The following EFCAB14 variants were observed in gnomAD, a reference collection of about 807,000 sequenced individuals.
The protein encoded by EFCAB14 is EF-hand calcium-binding domain-containing protein 14.
EFCAB14 carries 43 observed loss-of-function variants against 56.5 expected under a neutral mutation model. The observed-to-expected ratio is 0.76, with a 90% CI of 0.60 to 0.98. The LOEUF is 0.98. EFCAB14 is among the 50% of genes least tolerant of loss of function. The pLI is 0.00. For synonymous variants in EFCAB14, 235 were observed against 212.9 expected (o/e 1.10, Z -0.90); for missense variants, 538 against 580.3 (o/e 0.93, Z 0.75).
In EFCAB14 at chr1:46,688,451, C is replaced by T. The variant is rs553095299; in HGVS notation, c.889G>A (p.Glu297Lys). 68 of 1,613,966 alleles carry T rather than the reference C, an allele frequency of 4.2e-5. 1 individual carries two copies. The South Asian group carries it at 5.2e-4, about 12-fold the overall frequency. Residue 297 changes from glutamate (E) to lysine (K), a missense_variant, in exon 7 of 11, where the codon GAG becomes AAG. By Grantham distance (56) the Glu-to-Lys change is moderately conservative. Transcript: ENST00000371933. Reference sequence around the variant, plus strand: ...CTCTGGGTAAGATTACTGACTGTCTCGTTCATTCCCTCGAGTTTAAGATCA... The same window carrying T: ...CTCTGGGTAAGATTACTGACTGTCTTGTTCATTCCCTCGAGTTTAAGATCA... The part of the protein sequence containing the change: ...QNDLKLEGMN[E>K]TVSNLTQRVN...
rs566138843 is a variant in EFCAB14 at position 46,718,150 on chromosome 1, A to G, written c.-63T>C. 3 of 1,550,186 alleles carry G rather than the reference A, an allele frequency of 1.9e-6. No homozygotes were observed. The highest frequency in any genetic ancestry group is 1.2e-5 in the South Asian group (1 of 84,756). ...CTGCCAGGTTCGTACCCGATGCCCA[A>G]TTCTCTTCCTGCCTTGGAGCTGCCT... is the stretch of plus-strand genomic sequence containing the variant. On this transcript the variant is annotated 5_prime_UTR_variant, in exon 1 of 11. Coordinates refer to ENST00000371933, the MANE Select transcript of EFCAB14 (RefSeq NM_014774.3).
Position 46,684,546 on chromosome 1 carries a change from G to A in EFCAB14, c.1131C>T (p.Ile377=). 6.2e-7 allele frequency: 1 copy of A among 1,614,086 alleles called. No homozygotes were observed. The highest frequency in any genetic ancestry group is 8.5e-7 in the Non-Finnish European group (1 of 1,179,978). ...TCTCAGGTTTGTTTGTAAGAGCACT[G>A]ATCAGCTGGAGTTTCTCTCTTAGCT... ...VSKLREKLQL[I]SALTNKPESN... is the part of the protein sequence containing the mutation. Residue 377 remains isoleucine, a synonymous_variant, in exon 9 of 11, where the codon ATC becomes ATT. Transcript: ENST00000371933.
At chr1:46,687,605 A>G (rs1048413570) in intron 7 of EFCAB14, among the ~76,000 whole-genome samples, 9 of 152,136 alleles carry the variant, frequency 5.9e-5, no homozygotes, top group Non-Finnish European at 1.2e-4. Context: ...TTTGGTTTCT[A>G]TTTTTAAATA....
intron 10 of EFCAB14, among the ~76,000 whole-genome samples, chr1:46,680,152 G>C (rs1424928583): frequency 6.6e-6 from 1 of 152,156 alleles, no homozygotes; most frequent in South Asian, 2.1e-4. Flanking sequence ...GAAAAGTGTA[G>C]GAGTTCCTCA....
At chr1:46,689,817 G>A in intron 5 of EFCAB14, 126 bp from the exon 6 acceptor site, 1 of 804,762 alleles carries the variant, frequency 1.2e-6, no homozygotes, top group Non-Finnish European at 2.0e-6. Flanking sequence ...AGTAAGTATT[G>A]CCAGGGAATG....
chr1:46,684,580 T>C lies in EFCAB14; in HGVS notation c.1097A>G (p.Gln366Arg). Residue 366 changes from glutamine (Q) to arginine (R), a missense_variant, in exon 9 of 11, where the codon CAG becomes CGG. By Grantham distance (43) the Gln-to-Arg change is conservative (BLOSUM62 1). Transcript: ENST00000371933. ...GAGTTTCTCTCTTAGCTTGGATACC[T>C]GAGAATTTGAACTATCTTCTTTCTG... ...SIKKEDSSNS[Q>R]VSKLREKLQL... 1.2e-6 allele frequency: 2 copies of C among 1,614,082 alleles called. No individual in the cohort carries two copies. The highest frequency in any genetic ancestry group is 1.3e-5 in the African/African-American group (1 of 75,048).
chr1:46,694,882 G>T (rs756939820), intron 4 of EFCAB14, among the ~76,000 whole-genome samples: 3 of 152,134 alleles, frequency 2.0e-5, no homozygotes, highest in African/African-American at 7.2e-5. Context: ...TATACACCAT[G>T]GAATACTATG....
chr1:46,716,616 G>C (rs1036754685), intron 1 of EFCAB14, among the ~76,000 whole-genome samples, 173 bp from the exon 2 acceptor site: 3 of 152,180 alleles, frequency 2.0e-5, no homozygotes, highest in Non-Finnish European at 4.4e-5. Flanking sequence ...ACCTATTAAG[G>C]GTTCATCTAC....
intron 2 of EFCAB14, among the ~76,000 whole-genome samples, chr1:46,715,274 C>G (rs1326869510): frequency 3.3e-5 from 5 of 152,150 alleles, no homozygotes; most frequent in African/African-American, 4.8e-5. Context: ...ACAAGGCCAC[C>G]AGGAACAGTG....
At chr1:46,696,737 C>T in intron 3 of EFCAB14, 88 bp from the exon 4 acceptor site, 2 of 1,228,386 alleles carry the variant, frequency 1.6e-6, no homozygotes, top group South Asian at 2.6e-5. Flanking sequence ...TTGGTGATGT[C>T]AAGATAGTCT....
chr1:46,692,055 A>C, intron 4 of EFCAB14, 118 bp from the exon 5 acceptor site: 1 of 672,502 alleles, frequency 1.5e-6, no homozygotes, highest in Non-Finnish European at 2.4e-6. Flanking sequence ...CAATTGTGAA[A>C]CCAGTACTAC....
Position 46,676,833 on chromosome 1 carries a change from T to A in EFCAB14, c.*1628A>T, listed in dbSNP as rs1235984079. ...AATTTTAATACTTCTGGAAAAAAAA[T>A]TTAAGTTTGGTTAATACCAAGCTGA... is the stretch of plus-strand genomic sequence containing the variant. On this transcript the variant is annotated 3_prime_UTR_variant, in exon 11 of 11. Transcript: ENST00000371933. 4 of 152,360 alleles carry A rather than the reference T, an allele frequency of 2.6e-5. No homozygotes were observed. The highest frequency in any genetic ancestry group is 2.0e-4 in the Admixed American group (3 of 15,238). 9.4% of individuals were successfully genotyped at this position (152,360 alleles called of 1,614,324 possible).
chr1:46,711,532 T>C (rs1358484580), intron 2 of EFCAB14, among the ~76,000 whole-genome samples: 1 of 152,142 alleles, frequency 6.6e-6, no homozygotes, highest in East Asian at 1.9e-4. Flanking sequence ...AATGATTATC[T>C]GGTTTGGAGC....
intron 10 of EFCAB14, among the ~76,000 whole-genome samples, chr1:46,681,464 G>A (rs1003325297): frequency 1.1e-4 from 16 of 152,180 alleles, no homozygotes; most frequent in African/African-American, 3.4e-4. Flanking sequence ...TAGCTTGAAG[G>A]GAGGGAAAAC....
chr1:46,695,303 T>G (rs1677062962), intron 4 of EFCAB14, among the ~76,000 whole-genome samples: 1 of 152,198 alleles, frequency 6.6e-6, no homozygotes, highest in Non-Finnish European at 1.5e-5. Context: ...AAGCCTATCA[T>G]TTCCTGAATT....
Position 46,686,868 on chromosome 1 carries a change from C to G in EFCAB14, c.990G>C (p.Met330Ile). 1 of 1,613,540 alleles carries G rather than the reference C, an allele frequency of 6.2e-7. No homozygotes were observed. The highest frequency in any genetic ancestry group is 8.5e-7 in the Non-Finnish European group (1 of 1,179,706). Residue 330 changes from methionine (M) to isoleucine (I), a missense_variant and splice_region_variant, in exon 8 of 11, where the codon ATG (methionine) becomes ATC (isoleucine). Transcript: ENST00000371933. The stretch of plus-strand genomic sequence containing the variant: ...TTTTCAGAGTGGCAGATCTATCACC[C>G]ATCTTAAAGGGCAAAACAAAAACAA... ...EKKANLSFSM[M>I]GDRSATLKRQ...
chr1:46,703,113 C>CT (rs5773921), intron 3 of EFCAB14, among the ~76,000 whole-genome samples: 16,805 of 146,636 alleles, frequency 0.11, 2,419 homozygotes, highest in East Asian at 0.4. Flanking sequence ...TCTGCTCGTA[C>CT]TTTTTTTTTT....
chr1:46,683,452 T>G, intron 9 of EFCAB14, 27 bp from the exon 10 acceptor site: 1 of 1,607,238 alleles, frequency 6.2e-7, no homozygotes, highest in Non-Finnish European at 8.5e-7. Context: ...AGGTTTTATT[T>G]AGTATTATTG....
chr1:46,694,773 G>A (rs1443130638), intron 4 of EFCAB14, among the ~76,000 whole-genome samples: 18 of 152,068 alleles, frequency 1.2e-4, no homozygotes, highest in Non-Finnish European at 1.9e-4. Flanking sequence ...AAAGACACAC[G>A]CACACTTATG....
Sources: allele counts gnomAD v4.1 joint callset (sites outside exome capture counted in the v4.1 genomes callset), GRCh38; gene constraint gnomAD v4.1.1; transcripts MANE v1.5; gene names NCBI Gene and HGNC (gene_info 2026-07-23, HGNC 2026-07-21).